OR1I1: variants seen among roughly 807,000 people sequenced by gnomAD.
The protein encoded by OR1I1 is olfactory receptor 1I1.
For missense variants in OR1I1, 451 were observed against 443.6 expected (o/e 1.02, Z -0.15); for synonymous variants, 171 against 181.4 (o/e 0.94, Z 0.46).
Position 15,087,523 on chromosome 19 carries a change from A to G in OR1I1, c.458A>G (p.Asn153Ser), listed in dbSNP as rs761615019. The stretch of plus-strand genomic sequence containing the variant: ...CTGGGAGCATCATGGATGATCACCA[A>G]CCTCCAGTCTCTCATACACACCTGC... ...LLLGASWMITNLQSLIHTCLM... is the reference protein window; with the variant it reads ...LLLGASWMITSLQSLIHTCLM... The change falls in exon 2 of 2, where the codon AAC becomes AGC. Residue 153 changes from asparagine (N) to serine (S), a missense_variant. Asn to Ser is a conservative substitution (Grantham distance 46, BLOSUM62 1). Transcript: ENST00000641398. 1.9e-6 allele frequency: 3 copies of G among 1,613,308 alleles called. No homozygotes were observed. The South Asian group carries it at 3.3e-5, about 18-fold the overall frequency.
intron 1 of OR1I1, among the ~76,000 whole-genome samples, chr19:15,082,667 G>A (rs2046213994): frequency 6.6e-6 from 1 of 151,792 alleles, no homozygotes; most frequent in Non-Finnish European, 1.5e-5. Flanking sequence ...GTGGTCCCTG[G>A]GCTAGAAGCA....
intron 1 of OR1I1, among the ~76,000 whole-genome samples, chr19:15,086,818 T>A (rs1021754582): frequency 1.3e-5 from 2 of 152,140 alleles, no homozygotes; most frequent in African/African-American, 4.8e-5. Flanking sequence ...CCAAGTTGAC[T>A]ATGAGCGACT....
At chr19:15,083,095 A>T (rs2046215958) in intron 1 of OR1I1, among the ~76,000 whole-genome samples, 1 of 151,958 alleles carries the variant, frequency 6.6e-6, no homozygotes. Flanking sequence ...GGTGTGTGCC[A>T]CCATGTCCAG....
intron 1 of OR1I1, among the ~76,000 whole-genome samples, chr19:15,083,597 A>G (rs891380726): frequency 8.8e-5 from 1 of 11,360 alleles, no homozygotes; most frequent in South Asian, 2.6e-3. Flanking sequence ...AAAAGCCTCA[A>G]AAAGTTAACA....
At chr19:15,084,559 AAAAAG>A (rs1332869139) in intron 1 of OR1I1, among the ~76,000 whole-genome samples, 2 of 152,030 alleles carry the variant, frequency 1.3e-5, no homozygotes, top group Non-Finnish European at 2.9e-5. Context: ...CTCCATCTCA[AAAAAG>A]AAAAGAAAGA....
rs1568323820 is a variant in OR1I1, at chr19:15,092,124, T to TG, written c.*3991_*3992insG. On this transcript the variant is annotated 3_prime_UTR_variant, in exon 2 of 2. Coordinates refer to ENST00000641398, the MANE Select transcript of OR1I1 (RefSeq NM_001004713.2). ...TTTTTTTTTTTTGGTTTTTGGTTGT[T>TG]TTTTTTTTTTCCCCGGAAACTTGTA... 2.5e-4 allele frequency: 12 copies of TG among 47,266 alleles called. No individual in the cohort carries two copies. The East Asian group carries it at 5.8e-3, about 23-fold the overall frequency. 2.9% of individuals were successfully genotyped at this position (47,266 alleles called of 1,614,324 possible).
At chr19:15,087,017 C>T (rs777062456) in intron 1 of OR1I1, 36 bp from the exon 2 acceptor site, 2 of 1,557,776 alleles carry the variant, frequency 1.3e-6, no homozygotes, top group Non-Finnish European at 8.7e-7. Flanking sequence ...TGACACCTGG[C>T]TCTGTGTGGT....
At chr19:15,085,159 TATATATATATATATATA>T (rs1599309823) in intron 1 of OR1I1, among the ~76,000 whole-genome samples, 74 of 43,714 alleles carry the variant, frequency 1.7e-3, no homozygotes, top group East Asian at 9.6e-3. Flanking sequence ...TATATATATA[TATATATATATATATATA>T]TTTTTTTTTT....
intron 1 of OR1I1, among the ~76,000 whole-genome samples, chr19:15,084,087 G>A (rs1423872565): frequency 1.3e-5 from 2 of 152,230 alleles, no homozygotes; most frequent in Admixed American, 1.3e-4. Flanking sequence ...AGAGGTGAGA[G>A]TGGCCATTCT....
chr19:15,088,106 T>C lies in OR1I1; in HGVS notation c.1041T>C (p.Ser347=). The change falls in exon 2 of 2, where the codon AGT becomes AGC. Residue 347 remains serine (S), a synonymous_variant. Transcript: ENST00000641398. The part of the protein sequence containing the change: ...HPIPYPGGVQ[S]LAGNRDME ...TCCCCTACCCTGGAGGAGTTCAGAG[T>C]CTAGCTGGGAACAGAGACATGGAAT... 1 of 1,559,698 alleles carries C rather than the reference T, an allele frequency of 6.4e-7. No individual in the cohort carries two copies. Among genetic ancestry groups the C allele is most frequent in the East Asian group, 2.4e-5 (1 of 42,096 alleles).
chr19:15,087,722 C>G lies in OR1I1; in HGVS notation c.657C>G (p.Ile219Met). The G allele has an allele frequency of 6.2e-7, 1 of 1,614,232 alleles. No homozygotes were observed. The highest frequency in any genetic ancestry group is 8.5e-7 in the Non-Finnish European group (1 of 1,180,046). ...TCTCCTGCATCCTTCTCTCGTACAT[C>G]CGCATTTTCTGGACAGTCTTTAAGA... ...SPFSCILLSY[I>M]RIFWTVFKIP... Residue 219 changes from isoleucine to methionine, a missense_variant, in exon 2 of 2, where the codon ATC (isoleucine) becomes ATG (methionine). Coordinates refer to ENST00000641398, the MANE Select transcript of OR1I1 (RefSeq NM_001004713.2).
chr19:15,085,170 A>ATTTTT (rs1568321906), intron 1 of OR1I1, among the ~76,000 whole-genome samples: 1 of 19,332 alleles, frequency 5.2e-5, no homozygotes, highest in African/African-American at 1.2e-4. Flanking sequence ...ATATATATAT[A>ATTTTT]TATATATTTT....
chr19:15,091,825 T>C lies in OR1I1; in HGVS notation c.*3692T>C, dbSNP rs2046257563. 1 of 56,866 alleles carries C rather than the reference T, an allele frequency of 1.8e-5. No homozygotes were observed. Among genetic ancestry groups the C allele is most frequent in the South Asian group, 9.0e-4 (1 of 1,110 alleles). 3.5% of individuals were successfully genotyped at this position (56,866 alleles called of 1,614,324 possible). ...GCCTGGGTGACAGAGCGAGACTCTG[T>C]CTCAAAAAAAAAAAAAAAAAAAAAA... On this transcript the variant is annotated 3_prime_UTR_variant, in exon 2 of 2. Transcript: ENST00000641398.
chr19:15,085,133 T>C (rs113365841), intron 1 of OR1I1, among the ~76,000 whole-genome samples: 3,272 of 11,078 alleles, frequency 0.3, 74 homozygotes, highest in Non-Finnish European at 0.35. Context: ...TTTTGACTTA[T>C]ATATATATAT....
chr19:15,085,159 TATATATATATA>T (rs1329121055), intron 1 of OR1I1, among the ~76,000 whole-genome samples: 1,010 of 43,808 alleles, frequency 0.023, 96 homozygotes, highest in South Asian at 0.079. Flanking sequence ...TATATATATA[TATATATATATA>T]TATATATTTT....
chr19:15,087,547 G>A lies in OR1I1; in HGVS notation c.482G>A (p.Cys161Tyr), dbSNP rs1407313480. Residue 161 changes from cysteine (C) to tyrosine (Y), a missense_variant, in exon 2 of 2, where the codon TGC becomes TAC. By Grantham distance (194) the Cys-to-Tyr change is radical (BLOSUM62 -2). Coordinates refer to ENST00000641398, the MANE Select transcript of OR1I1 (RefSeq NM_001004713.2). Reference sequence around the variant, plus strand: ...AACCTCCAGTCTCTCATACACACCTGCCTCATGGCTCAACTGACCTTCTGC... The same window carrying A: ...AACCTCCAGTCTCTCATACACACCTACCTCATGGCTCAACTGACCTTCTGC... ...ITNLQSLIHT[C>Y]LMAQLTFCAG... 1 of 1,614,102 alleles carries A rather than the reference G, an allele frequency of 6.2e-7. No individual in the cohort carries two copies. The highest frequency in any genetic ancestry group is 1.7e-5 in the Admixed American group (1 of 60,014).
intron 1 of OR1I1, among the ~76,000 whole-genome samples, chr19:15,083,975 G>A (rs7256196): frequency 0.064 from 9,776 of 152,072 alleles, 934 homozygotes; most frequent in African/African-American, 0.21. Context: ...GTGACAGAGT[G>A]AGACTCTGTC....
In OR1I1 at chr19:15,092,409, T is replaced by C. The variant is rs1414676777; in HGVS notation, c.*4276T>C. On this transcript the variant is annotated 3_prime_UTR_variant, in exon 2 of 2. Transcript: ENST00000641398. ...TTAAGGAGGATAGGGGGTGGGGCTG[T>C]GCTTCAGAACGAACCTGCCAGTTAT... 6.6e-6 allele frequency: 1 copy of C among 152,206 alleles called. No homozygotes were observed. The highest frequency in any genetic ancestry group is 1.5e-5 in the Non-Finnish European group (1 of 68,074). 9.4% of individuals were successfully genotyped at this position (152,206 alleles called of 1,614,324 possible).
At position 15,085,130 on chromosome 19, in the gene OR1I1, T is replaced by TTTTA. The variant is rs1253261208; in HGVS notation, c.-13-1922_-13-1921insTTAT. On this transcript the variant is annotated intron_variant, in intron 1 of 1. Transcript: ENST00000641398. Reference sequence around the variant, plus strand: ...TAGGTATGTTCAATGCATTTTTGACTTATATATATATATATATATATATAT... The same window carrying TTTTA: ...TAGGTATGTTCAATGCATTTTTGACTTTTATATATATATATATATATATATATAT... 6.5e-3 allele frequency among the ~76,000 whole-genome samples: 184 copies of TTTTA among 28,516 alleles called. 11 individuals are homozygous for TTTTA. The highest frequency in any genetic ancestry group is 0.015 in the East Asian group (10 of 658). The allele number at this position is 28,516 out of a possible 152,430, so 18.7% of individuals were successfully genotyped here.
Sources: gnomAD v4.1 joint callset for allele counts (sites outside exome capture counted in the v4.1 genomes callset) on GRCh38, gnomAD v4.1.1 for gene constraint, MANE v1.5 for transcripts, NCBI Gene and HGNC (gene_info 2026-07-23, HGNC 2026-07-21) for gene names.